The following CNOT1 variants were observed in gnomAD, a reference collection of about 807,000 sequenced individuals.
The protein encoded by CNOT1 is CCR4-associated factor 1.
In CNOT1, 15 loss-of-function variants were observed where a neutral mutation model predicts 273.8. The observed-to-expected ratio is 0.05, with a 90% CI of 0.04 to 0.08. The LOEUF (loss-of-function observed/expected upper bound fraction) is 0.08. Ranked by LOEUF, CNOT1 falls within the 10% of genes least tolerant of loss-of-function variation. The probability of loss-of-function intolerance (pLI) is 1.00; values close to 1 mark genes in which losing one functional copy is unlikely to be tolerated. For missense variants in CNOT1, 1,644 were observed against 2,912.2 expected, an observed-to-expected ratio of 0.56 and a Z score of 10.02; for synonymous variants, 1,022 against 1,005.5, an observed-to-expected ratio of 1.02 and a Z score of -0.31.
chr16:58,588,967 G>T (rs893040182), intron 2 of CNOT1, 61 bp from the exon 3 acceptor site: 5 of 1,484,390 alleles, frequency 3.4e-6, no homozygotes, highest in East Asian at 2.5e-5. Context: ...AAAAAGTAAG[G>T]TTTCAAAAAA....
In CNOT1 at chr16:58,525,904, C is replaced by A. The variant is rs78673487; in HGVS notation, c.6603+85G>T. 8.2e-4 allele frequency: 947 copies of A among 1,154,714 alleles called. 13 individuals are homozygous for A. The East Asian group carries it at 0.022, about 27-fold the overall frequency. 71.5% of individuals were successfully genotyped at this position (1,154,714 alleles called of 1,614,324 possible). On this transcript the variant is annotated intron_variant, in intron 45 of 48. Coordinates refer to ENST00000317147, the MANE Select transcript of CNOT1 (RefSeq NM_016284.5). ...GATGGAAATGACAATAAAAGACTAACTCCCAAATGGACCACACACAGGACC... is the reference window on the plus strand; with the variant it reads ...GATGGAAATGACAATAAAAGACTAAATCCCAAATGGACCACACACAGGACC...
chr16:58,603,408 AGTGTGTGTGTGTGT>A lies in CNOT1; in HGVS notation c.-174-3911_-174-3898del, dbSNP rs200088613. On this transcript the variant is annotated intron_variant, in intron 1 of 48. Coordinates refer to ENST00000317147, the MANE Select transcript of CNOT1 (RefSeq NM_016284.5). ...CTAGACCCTATCTCTACAATTTAAA[AGTGTGTGTGTGTGT>A]GTGTGTGTGTGTGTGTGTGTGTGTG... Among the ~76,000 whole-genome samples the A allele has an allele frequency of 6.7e-3, 648 of 96,732 alleles. 1 individual carries two copies. The highest frequency in any genetic ancestry group is 0.012 in the Middle Eastern group (2 of 168). 63.5% of individuals were successfully genotyped at this position (96,732 alleles called of 152,430 possible).
chr16:58,597,965 T>G (rs1163647168), intron 2 of CNOT1: 1 of 223,450 alleles, frequency 4.5e-6, no homozygotes, highest in Non-Finnish European at 8.8e-6. Flanking sequence ...CCCAACCCTG[T>G]TTAAGAAAAG....
chr16:58,614,046 C>T (rs368785027), intron 1 of CNOT1, among the ~76,000 whole-genome samples: 2 of 108,878 alleles, frequency 1.8e-5, no homozygotes, highest in Admixed American at 1.9e-4. Flanking sequence ...GAGCCAAGAT[C>T]GCGCCACTGC....
In CNOT1 at chr16:58,520,234, T is replaced by C. The variant is rs971720358; in HGVS notation, c.*724A>G. On this transcript the variant is annotated 3_prime_UTR_variant, in exon 49 of 49. Coordinates refer to ENST00000317147, the MANE Select transcript of CNOT1 (RefSeq NM_016284.5). ...ACTGTTTTTAAGTTTCAGGAGAGGA[T>C]TGGGGGGGTGAGGGTAGGGGTGGGC... 7 of 102,366 alleles carry C rather than the reference T, an allele frequency of 6.8e-5. No homozygotes were observed. The highest frequency in any genetic ancestry group is 2.1e-4 in the Admixed American group (2 of 9,496). The allele number at this position is 102,366 out of a possible 1,614,324, so 6.3% of individuals were successfully genotyped here.
At chr16:58,546,612 G>GT in intron 28 of CNOT1, 60 bp downstream of exon 28, 1 of 1,612,304 alleles carries the variant, frequency 6.2e-7, no homozygotes, top group Non-Finnish European at 8.5e-7. Flanking sequence ...TGCCTTCACT[G>GT]TAAGTTTTAA....
At chr16:58,540,832 G>T (rs1309364450) in intron 34 of CNOT1, among the ~76,000 whole-genome samples, 2 of 152,158 alleles carry the variant, frequency 1.3e-5, no homozygotes, top group Non-Finnish European at 2.9e-5. Flanking sequence ...ACTATCGACC[G>T]GTTCGGGGGA....
Position 58,576,550 on chromosome 16 carries a change from CATG to C in CNOT1, c.1614_1616del (p.Ile538del). The C allele has an allele frequency of 6.2e-7, 1 of 1,614,120 alleles. No individual in the cohort carries two copies. The highest frequency in any genetic ancestry group is 8.5e-7 in the Non-Finnish European group (1 of 1,180,012). ...TCATGTACCATTCTGCCATTGCATG[CATG>C]ATAAGTTGGCGAATTGAGGGAGACT... On this transcript the variant is annotated inframe_deletion, in exon 14 of 49. Transcript: ENST00000317147.
intron 33 of CNOT1, 57 bp downstream of exon 33, chr16:58,542,174 A>G: frequency 6.3e-7 from 1 of 1,594,950 alleles, no homozygotes; most frequent in Non-Finnish European, 8.5e-7. Flanking sequence ...TCAATCAACA[A>G]CAACATTAAA....
chr16:58,626,637 G>C (rs1054399121), intron 1 of CNOT1, among the ~76,000 whole-genome samples: 1 of 151,496 alleles, frequency 6.6e-6, no homozygotes, highest in African/African-American at 2.4e-5. Context: ...GTGCGCGCCT[G>C]TAATCCCAGC....
Position 58,526,250 on chromosome 16 carries a change from T to C in CNOT1, c.6454-112A>G, listed in dbSNP as rs2039576129. The stretch of plus-strand genomic sequence containing the variant: ...TAAAACTATATACACTATAAATGCC[T>C]TGAAGAGCACAGCTGCCACATTTTA... On this transcript the variant is annotated intron_variant, in intron 44 of 48. Transcript: ENST00000317147. 34 of 1,029,532 alleles carry C rather than the reference T, an allele frequency of 3.3e-5. No homozygotes were observed. The South Asian group carries it at 5.4e-4, about 16-fold the overall frequency. 63.8% of individuals were successfully genotyped at this position (1,029,532 alleles called of 1,614,324 possible).
intron 1 of CNOT1, among the ~76,000 whole-genome samples, chr16:58,618,650 C>CA (rs34816978): frequency 0.4 from 56,178 of 140,452 alleles, 11,974 homozygotes; most frequent in African/African-American, 0.59. Context: ...AACCCTGTCT[C>CA]AAAAAAAAAA....
In CNOT1 at chr16:58,520,215, T is replaced by TTTAAG. The variant is rs2039318850; in HGVS notation, c.*738_*742dup. 1.3e-5 allele frequency: 2 copies of TTTAAG among 148,574 alleles called. No homozygotes were observed. The highest frequency in any genetic ancestry group is 3.0e-5 in the Non-Finnish European group (2 of 67,612). 9.2% of individuals were successfully genotyped at this position (148,574 alleles called of 1,614,324 possible). On this transcript the variant is annotated 3_prime_UTR_variant, in exon 49 of 49. Transcript: ENST00000317147. ...TTCCCTTTCCTATATTCCCACTGTT[T>TTTAAG]TTAAGTTTCAGGAGAGGATTGGGGG...
In CNOT1 at chr16:58,553,839, A is replaced by G. The variant is rs753684354; in HGVS notation, c.2913T>C (p.Tyr971=). 6.2e-7 allele frequency: 1 copy of G among 1,610,670 alleles called. No individual in the cohort carries two copies. The highest frequency in any genetic ancestry group is 8.5e-7 in the Non-Finnish European group (1 of 1,179,184). ...GACTGATAGAAGCCAAATGCTGACA[A>G]TACTGGGGATAGTCCTTCAATCTGC... ...FKNRLKDYPQ[Y]CQHLASISHF... is the part of the protein sequence containing the mutation. The change falls in exon 22 of 49, where the codon TAT becomes TAC. Residue 971 remains tyrosine, a synonymous_variant. Coordinates refer to ENST00000317147, the MANE Select transcript of CNOT1 (RefSeq NM_016284.5).
At chr16:58,548,342 C>T (rs943648701) in intron 25 of CNOT1, among the ~76,000 whole-genome samples, 6 of 152,016 alleles carry the variant, frequency 3.9e-5, no homozygotes, top group Non-Finnish European at 8.8e-5. Context: ...GGTATGCACA[C>T]ATGTATATAC....
chr16:58,626,973 C>CA (rs1381309901), intron 1 of CNOT1, among the ~76,000 whole-genome samples: 1 of 151,752 alleles, frequency 6.6e-6, no homozygotes, highest in South Asian at 2.1e-4. Context: ...TTGCCTGGGC[C>CA]AAAAAAATTA....
chr16:58,590,571 G>A (rs887178660), intron 2 of CNOT1, among the ~76,000 whole-genome samples: 7 of 151,864 alleles, frequency 4.6e-5, no homozygotes, highest in African/African-American at 1.7e-4. Context: ...CTCCATCCTG[G>A]ATGAGGGAGT....
chr16:58,572,232 C>T (rs2041298063), intron 16 of CNOT1, among the ~76,000 whole-genome samples: 1 of 151,170 alleles, frequency 6.6e-6, no homozygotes, highest in African/African-American at 2.4e-5. Flanking sequence ...TGCGGTGAGC[C>T]GAGATCATGC....
At chr16:58,592,254 G>C (rs373880195) in intron 2 of CNOT1, among the ~76,000 whole-genome samples, 1 of 152,094 alleles carries the variant, frequency 6.6e-6, no homozygotes, top group South Asian at 2.1e-4. Context: ...GTTGCTCCTG[G>C]TGAGGAGCAG....
Sources: gnomAD v4.1 joint callset for allele counts (sites outside exome capture counted in the v4.1 genomes callset) on GRCh38, gnomAD v4.1.1 for gene constraint, MANE v1.5 for transcripts, NCBI Gene and HGNC (gene_info 2026-07-23, HGNC 2026-07-21) for gene names.